The following COL23A1 variants were observed in gnomAD, a reference collection of about 807,000 sequenced individuals.
COL23A1 encodes collagen type XXIII alpha 1 chain, also known as collagen alpha-1(XXIII) chain.
A neutral mutation model predicts 99.3 loss-of-function variants in COL23A1; 97 were observed. The ratio of observed to expected loss-of-function variants is 0.98; its 90% CI spans 0.83 to 1.16. COL23A1 has a LOEUF of 1.16. Ranked by LOEUF, COL23A1 falls within the 50% of genes most tolerant of loss-of-function variation. The pLI is 0.00. For synonymous variants in COL23A1, 320 were observed against 308.2 expected, an observed-to-expected ratio of 1.04 and a Z score of -0.40; for missense variants, 762 against 757.4, an observed-to-expected ratio of 1.01 and a Z score of -0.07.
chr5:178,287,506 C>A (rs939525142), intron 5 of COL23A1, among the ~76,000 whole-genome samples: 1 of 152,236 alleles, frequency 6.6e-6, no homozygotes, highest in Admixed American at 6.5e-5. Context: ...GTGGACCCCA[C>A]GTCAAGTCTC....
chr5:178,307,012 C>T lies in COL23A1; in HGVS notation c.362-93G>A. 1.1e-6 allele frequency: 1 copy of T among 943,784 alleles called. No individual in the cohort carries two copies. The highest frequency in any genetic ancestry group is 1.5e-6 in the Non-Finnish European group (1 of 669,392). The allele number at this position is 943,784 out of a possible 1,614,324, so 58.5% of individuals were successfully genotyped here. On this transcript the variant is annotated intron_variant, in intron 2 of 28. Coordinates refer to ENST00000390654, the MANE Select transcript of COL23A1 (RefSeq NM_173465.4). The surrounding 1 kb of genome is among the most constrained non-coding windows in gnomAD (Gnocchi z 4.2). ...CCCCAGCCACCCACCTGTCCGCTCG[C>T]AACAGCTTTCTGGGAGTGGCCTGCC...
intron 2 of COL23A1, among the ~76,000 whole-genome samples, chr5:178,539,131 G>T (rs776156101): frequency 3.3e-5 from 5 of 152,170 alleles, no homozygotes; most frequent in Non-Finnish European, 5.9e-5. Flanking sequence ...CAATGAAAAT[G>T]TTCTGAAAAT....
chr5:178,473,461 A>ATTTTTTTTTTTTTTTTTTT (rs58255875), intron 2 of COL23A1, among the ~76,000 whole-genome samples: 3 of 95,090 alleles, frequency 3.2e-5, no homozygotes, highest in Non-Finnish European at 4.2e-5. Context: ...CATCCGGCTA[A>ATTTTTTTTTTTTTTTTTTT]TTTTTTTTTT....
chr5:178,286,760 G>A (rs1031751095), intron 5 of COL23A1, among the ~76,000 whole-genome samples: 8 of 152,190 alleles, frequency 5.3e-5, no homozygotes, highest in African/African-American at 1.9e-4. Context: ...CTCTGGTGTG[G>A]CTGAGAACAA....
intron 1 of COL23A1, among the ~76,000 whole-genome samples, chr5:178,583,129 T>C (rs1763747075): frequency 6.6e-6 from 1 of 152,228 alleles, no homozygotes; most frequent in African/African-American, 2.4e-5. Flanking sequence ...AAGTAACTTG[T>C]AAAGCTGACA....
At chr5:178,290,064 T>TG (rs1354596482) in intron 4 of COL23A1, among the ~76,000 whole-genome samples, 1 of 152,142 alleles carries the variant, frequency 6.6e-6, no homozygotes. Flanking sequence ...CCTGAGTAGC[T>TG]GGGGTTACAG....
intron 2 of COL23A1, among the ~76,000 whole-genome samples, chr5:178,502,115 T>C (rs569603084): frequency 1.6e-3 from 250 of 152,310 alleles, no homozygotes; most frequent in South Asian, 0.012. Context: ...TTTTCACATA[T>C]GGTAAGTAGC....
chr5:178,578,785 C>T (rs931901778), intron 1 of COL23A1, among the ~76,000 whole-genome samples: 17 of 150,610 alleles, frequency 1.1e-4, no homozygotes, highest in Admixed American at 6.7e-4. Context: ...ACGAGCATTT[C>T]GCCGTGTTGC....
intron 3 of COL23A1, among the ~76,000 whole-genome samples, chr5:178,295,529 G>A (rs1425847232): frequency 2.0e-5 from 3 of 152,236 alleles, no homozygotes; most frequent in Admixed American, 6.5e-5. Context: ...ACACACTGGT[G>A]AGAGGATAAA....
intron 17 of COL23A1, 63 bp downstream of exon 17, chr5:178,252,481 G>C: frequency 6.8e-7 from 1 of 1,479,132 alleles, no homozygotes; most frequent in Admixed American, 1.9e-5. Context: ...GAGCAGACAG[G>C]AAGAGGGAGG....
At chr5:178,482,348 G>C (rs1447187632) in intron 2 of COL23A1, among the ~76,000 whole-genome samples, 1 of 152,050 alleles carries the variant, frequency 6.6e-6, no homozygotes, top group Admixed American at 6.6e-5. Context: ...GCTTTTGAAA[G>C]AAGCCAGACA....
intron 2 of COL23A1, among the ~76,000 whole-genome samples, chr5:178,497,365 A>G (rs907223702): frequency 3.9e-4 from 59 of 152,354 alleles, no homozygotes; most frequent in African/African-American, 1.3e-3. Flanking sequence ...ATAGTTCCAC[A>G]GCAGTGTATC....
chr5:178,442,415 T>C (rs1263575408), intron 2 of COL23A1, among the ~76,000 whole-genome samples: 7 of 152,216 alleles, frequency 4.6e-5, no homozygotes, highest in Non-Finnish European at 8.8e-5. Flanking sequence ...ATTTAAATTA[T>C]GTGGAGCTTC....
At chr5:178,292,974 C>T (rs1040330900) in intron 3 of COL23A1, among the ~76,000 whole-genome samples, 1 of 151,922 alleles carries the variant, frequency 6.6e-6, no homozygotes, top group Non-Finnish European at 1.5e-5. Context: ...GTAAGAAGAC[C>T]AGGAACTGGA....
chr5:178,357,456 G>A (rs1761722104), intron 2 of COL23A1, among the ~76,000 whole-genome samples: 1 of 152,246 alleles, frequency 6.6e-6, no homozygotes, highest in African/African-American at 2.4e-5. Flanking sequence ...GCTGGGAACA[G>A]CACACTGGGG....
At chr5:178,408,975 TACACAC>T (rs61457266) in intron 2 of COL23A1, among the ~76,000 whole-genome samples, 6,703 of 101,610 alleles carry the variant, frequency 0.066, 269 homozygotes, top group East Asian at 0.12. Flanking sequence ...AAAAAAAAAA[TACACAC>T]ACACACACAC....
chr5:178,284,463 T>G (rs1033744783), intron 5 of COL23A1, among the ~76,000 whole-genome samples: 1 of 152,220 alleles, frequency 6.6e-6, no homozygotes, highest in African/African-American at 2.4e-5. Context: ...TCATTGTTGG[T>G]GGGAATGTAA....
At chr5:178,338,859 T>C (rs1197686869) in intron 2 of COL23A1, among the ~76,000 whole-genome samples, 1 of 152,096 alleles carries the variant, frequency 6.6e-6, no homozygotes, top group Non-Finnish European at 1.5e-5. Context: ...CAGGAATCTG[T>C]CTAAATTACA....
At chr5:178,409,058 T>A (rs1477563469) in intron 2 of COL23A1, among the ~76,000 whole-genome samples, 2 of 150,674 alleles carry the variant, frequency 1.3e-5, no homozygotes. Context: ...TAGGTATTTA[T>A]CTCAGAGATA....
Sources: gnomAD v4.1 joint callset for allele counts (sites outside exome capture counted in the v4.1 genomes callset) on GRCh38, gnomAD v4.1.1 for gene constraint, Gnocchi (gnomAD v3.1) non-coding constraint, MANE v1.5 for transcripts, NCBI Gene and HGNC (gene_info 2026-07-23, HGNC 2026-07-21) for gene names.